Variants in DLC1 observed in about 807,000 individuals in gnomAD.
DLC1 encodes the protein DLC1 Rho GTPase activating protein.
Under a neutral mutation model 140.3 loss-of-function variants are expected in DLC1, and 54 were observed. The observed-to-expected ratio is 0.38, with a 90% CI of 0.31 to 0.48. The LOEUF is 0.48. Ranked by LOEUF, DLC1 falls within the 20% of genes least tolerant of loss-of-function variation. The pLI is 0.96. For synonymous variants in DLC1, 986 were observed against 728.1 expected (o/e 1.35, Z -5.70); for missense variants, 2,536 against 1,907.0 (o/e 1.33, Z -6.14).
At chr8:13,283,311 C>G (rs375074747) in intron 5 of DLC1, among the ~76,000 whole-genome samples, 87 of 151,804 alleles carry the variant, frequency 5.7e-4, no homozygotes, top group African/African-American at 1.9e-3. Context: ...CACACACACA[C>G]ACACACACAC....
At chr8:13,512,969 T>A (rs1175226667) in intron 1 of DLC1, among the ~76,000 whole-genome samples, 2 of 2,848 alleles carry the variant, frequency 7.0e-4, no homozygotes, top group African/African-American at 1.9e-3. Context: ...GTTTTACCTT[T>A]TTTTTTTTTT....
At chr8:13,541,364 A>G (rs538397206) in intron 1 of DLC1, among the ~76,000 whole-genome samples, 2 of 152,144 alleles carry the variant, frequency 1.3e-5, no homozygotes, top group Non-Finnish European at 2.9e-5. Context: ...TTAATTACGT[A>G]AGACACTGCC....
At chr8:13,131,215 G>A (rs1822047358) in intron 5 of DLC1, among the ~76,000 whole-genome samples, 1 of 152,114 alleles carries the variant, frequency 6.6e-6, no homozygotes. Flanking sequence ...TTCCACCGAG[G>A]ACCAGTCTGT....
intron 5 of DLC1, among the ~76,000 whole-genome samples, chr8:13,303,447 T>G (rs1328727533): frequency 6.6e-6 from 1 of 152,226 alleles, no homozygotes; most frequent in Admixed American, 6.5e-5. Context: ...GAGGAAAATT[T>G]CCAGGATTAT....
chr8:13,456,229 C>A (rs912416999), intron 2 of DLC1, among the ~76,000 whole-genome samples: 1 of 152,140 alleles, frequency 6.6e-6, no homozygotes, highest in South Asian at 2.1e-4. Flanking sequence ...CTGAATGTTG[C>A]ATTGCTGTAT....
At chr8:13,443,098 T>G (rs1224546321) in intron 2 of DLC1, among the ~76,000 whole-genome samples, 3 of 148,468 alleles carry the variant, frequency 2.0e-5, no homozygotes, top group South Asian at 2.1e-4. Flanking sequence ...GCAAACTATC[T>G]CAAGGACAAA....
At chr8:13,285,546 T>C (rs1831509761) in intron 5 of DLC1, among the ~76,000 whole-genome samples, 1 of 152,038 alleles carries the variant, frequency 6.6e-6, no homozygotes, top group Non-Finnish European at 1.5e-5. Flanking sequence ...GAATGGCCAA[T>C]AAGTACATGA....
intron 5 of DLC1, among the ~76,000 whole-genome samples, chr8:13,225,905 G>T (rs530675781): frequency 6.6e-6 from 1 of 152,004 alleles, no homozygotes; most frequent in Admixed American, 6.6e-5. Flanking sequence ...GTGAGCCACC[G>T]CGCCTGGCCT....
At chr8:13,450,372 T>G (rs1798983651) in intron 2 of DLC1, among the ~76,000 whole-genome samples, 2 of 145,282 alleles carry the variant, frequency 1.4e-5, no homozygotes, top group Non-Finnish European at 3.0e-5. Flanking sequence ...CGAGAATCAC[T>G]TGAACCCGGA....
chr8:13,111,130 T>C (rs561343160), intron 6 of DLC1, among the ~76,000 whole-genome samples: 1 of 152,262 alleles, frequency 6.6e-6, no homozygotes, highest in South Asian at 2.1e-4. Context: ...CCAGTAGAAA[T>C]TATAATTTAA....
chr8:13,517,422 A>G (rs1249426077), upstream of DLC1, among the ~76,000 whole-genome samples: 2 of 152,210 alleles, frequency 1.3e-5, no homozygotes, highest in Admixed American at 1.3e-4. Flanking sequence ...TCTACACAAA[A>G]AATACATTAT....
At chr8:13,287,485 A>G (rs1831573695) in intron 5 of DLC1, among the ~76,000 whole-genome samples, 1 of 152,250 alleles carries the variant, frequency 6.6e-6, no homozygotes, top group African/African-American at 2.4e-5. Flanking sequence ...AAGTATAAGT[A>G]TAAAGTATAA....
rs369252050 is a variant in DLC1, at chr8:13,494,207, T to C, written c.1023+4842A>G. The stretch of plus-strand genomic sequence containing the variant: ...TTCTTTCACAACGTGTCATGATATA[T>C]TGGAATATATTTATGTTAGAGTGTA... On this transcript the variant is annotated intron_variant, in intron 2 of 17. Coordinates refer to ENST00000276297, the MANE Select transcript of DLC1 (RefSeq NM_182643.3). Among the ~76,000 whole-genome samples, 360 of 152,370 alleles carry C rather than the reference T, an allele frequency of 2.4e-3. 11 individuals carry two copies. The South Asian group carries it at 0.066, about 28-fold the overall frequency.
At chr8:13,258,675 T>C (rs1352786340) in intron 5 of DLC1, among the ~76,000 whole-genome samples, 2 of 152,208 alleles carry the variant, frequency 1.3e-5, no homozygotes, top group African/African-American at 4.8e-5. Flanking sequence ...CTTCAAAGTA[T>C]CAATGGCCTA....
At chr8:13,122,895 T>C (rs1269604722) in intron 5 of DLC1, among the ~76,000 whole-genome samples, 1 of 151,898 alleles carries the variant, frequency 6.6e-6, no homozygotes, top group Non-Finnish European at 1.5e-5. Flanking sequence ...CTAACTCAAA[T>C]CTACTGTTAG....
intron 5 of DLC1, among the ~76,000 whole-genome samples, chr8:13,219,022 G>GAATGTAAT (rs1251796878): frequency 1.2e-5 from 1 of 82,118 alleles, no homozygotes; most frequent in African/African-American, 5.4e-5. Context: ...AATTATATAC[G>GAATGTAAT]TATATAATTA....
chr8:13,415,765 A>T (rs1481574602), intron 2 of DLC1, among the ~76,000 whole-genome samples: 2 of 151,252 alleles, frequency 1.3e-5, no homozygotes, highest in African/African-American at 2.4e-5. Flanking sequence ...CTTGAAGAAG[A>T]AGTGCTGGAT....
At chr8:13,594,265 C>G (rs180788331) in intron 1 of DLC1, among the ~76,000 whole-genome samples, 19 of 152,184 alleles carry the variant, frequency 1.2e-4, no homozygotes, top group Non-Finnish European at 2.1e-4. Context: ...AACCTCATGA[C>G]CTTTTGAAGT....
At chr8:13,096,551 G>A (rs999896614) in intron 10 of DLC1, among the ~76,000 whole-genome samples, 1 of 151,964 alleles carries the variant, frequency 6.6e-6, no homozygotes, top group African/African-American at 2.4e-5. Context: ...AAGCCCGACG[G>A]CGGAATGTGA....
Sources: allele counts gnomAD v4.1 joint callset (sites outside exome capture counted in the v4.1 genomes callset), GRCh38; gene constraint gnomAD v4.1.1; transcripts MANE v1.5; gene names NCBI Gene and HGNC (gene_info 2026-07-23, HGNC 2026-07-21).